NDST1: variants seen among roughly 807,000 people sequenced by gnomAD.
The protein encoded by NDST1 is N-deacetylase and N-sulfotransferase 1, also known as bifunctional heparan sulfate N-deacetylase/N-sulfotransferase 1.
In NDST1, 35 loss-of-function variants were observed where a neutral mutation model predicts 92.8. The observed-to-expected ratio is 0.38, with a 90% confidence interval of 0.29 to 0.50. NDST1 has a LOEUF of 0.50. Ranked by LOEUF, NDST1 falls within the 20% of genes least tolerant of loss-of-function variation. The probability of loss-of-function intolerance (pLI) is 0.94; values close to 1 mark genes in which losing one functional copy is unlikely to be tolerated. For missense variants in NDST1, 822 were observed against 1,182.7 expected (o/e 0.69, Z 4.47); for synonymous variants, 493 against 500.3 (o/e 0.99, Z 0.19).
rs1294924370 is a variant in NDST1 at position 150,553,178 on chromosome 5, A to G, written c.2530-35A>G. The G allele has an allele frequency of 5.0e-6, 8 of 1,606,776 alleles. No homozygotes were observed. The Admixed American group carries it at 1.0e-4, about 20-fold the overall frequency. On this transcript the variant is annotated intron_variant, in intron 14 of 14. Transcript: ENST00000261797. The surrounding 1 kb of genome is among the most constrained non-coding windows in gnomAD (Gnocchi z 4.2). ...TTTTAGAGGAGGTCACTCTTAAGTCAGTACACAAGGTCTGAGCTTTCCTTC... is the reference window on the plus strand; with the variant it reads ...TTTTAGAGGAGGTCACTCTTAAGTCGGTACACAAGGTCTGAGCTTTCCTTC...
At chr5:150,547,844 C>T (rs1444858304) in intron 11 of NDST1, among the ~76,000 whole-genome samples, 4 of 152,156 alleles carry the variant, frequency 2.6e-5, no homozygotes, top group Non-Finnish European at 5.9e-5. Context: ...CACCACCATG[C>T]CAGCTAATTT....
rs1474998816 is a variant in NDST1 at position 150,519,482 on chromosome 5, C to T, written c.-387-1386C>T. On this transcript the variant is annotated intron_variant, in intron 1 of 14. Coordinates refer to ENST00000261797, the MANE Select transcript of NDST1 (RefSeq NM_001543.5). ...CAGCACTTTGGGAGGCCAAGGCCGG[C>T]GAATCACCTGAGGTCAGGAGTTCAA... is the stretch of plus-strand genomic sequence containing the variant. Among the ~76,000 whole-genome samples the T allele has an allele frequency of 7.9e-5, 12 of 152,202 alleles. No homozygotes were observed. The East Asian group carries it at 9.7e-4, about 12-fold the overall frequency.
At chr5:150,544,653 T>C (rs1254445244) in intron 10 of NDST1, among the ~76,000 whole-genome samples, 3 of 152,192 alleles carry the variant, frequency 2.0e-5, no homozygotes, top group Non-Finnish European at 4.4e-5. Context: ...TGAGTTTGCA[T>C]AGGTAGATTC....
intron 3 of NDST1, among the ~76,000 whole-genome samples, chr5:150,530,144 G>C (rs1754655481): frequency 6.6e-6 from 1 of 152,198 alleles, no homozygotes; most frequent in South Asian, 2.1e-4. Flanking sequence ...TGGATAGCTG[G>C]GGTGGGGGTT....
upstream of NDST1, among the ~76,000 whole-genome samples, chr5:150,504,034 G>A (rs907380713): frequency 2.0e-5 from 3 of 152,194 alleles, no homozygotes; most frequent in African/African-American, 7.2e-5. Context: ...TCCAGGCTGG[G>A]TGGTGCTTGC....
chr5:150,525,979 C>A (rs988835639), intron 2 of NDST1, among the ~76,000 whole-genome samples: 5 of 152,208 alleles, frequency 3.3e-5, no homozygotes, highest in African/African-American at 4.8e-5. Flanking sequence ...TCCTCCAGCA[C>A]CCTGCAGGCC....
At chr5:150,531,435 A>G (rs1754726599) in intron 3 of NDST1, among the ~76,000 whole-genome samples, 1 of 151,842 alleles carries the variant, frequency 6.6e-6, no homozygotes, top group African/African-American at 2.4e-5. Context: ...GGGGAGGGCC[A>G]GGACTTTTAG....
chr5:150,535,427 G>A (rs1485002056), intron 5 of NDST1: 11 of 977,438 alleles, frequency 1.1e-5, no homozygotes, highest in Non-Finnish European at 1.3e-5. Context: ...CCTCACTACA[G>A]GGTACTTGAG....
rs200650673 is a variant in NDST1 at position 150,545,309 on chromosome 5, C to T, written c.1971-3C>T. On this transcript the variant is annotated splice_polypyrimidine_tract_variant and splice_region_variant and intron_variant, in intron 10 of 14. Coordinates refer to ENST00000261797, the MANE Select transcript of NDST1 (RefSeq NM_001543.5). ...GTGAGCCGCCTCTCTGGGCTTCCTG[C>T]AGGTACATGGAGTTCTTCCCCATCC... is the stretch of plus-strand genomic sequence containing the variant. 6 of 1,614,196 alleles carry T rather than the reference C, an allele frequency of 3.7e-6. No individual in the cohort carries two copies. The African/African-American group carries it at 8.0e-5, about 22-fold the overall frequency.
intron 11 of NDST1, among the ~76,000 whole-genome samples, chr5:150,547,190 C>T (rs1755525725): frequency 1.3e-5 from 2 of 152,220 alleles, no homozygotes; most frequent in Non-Finnish European, 2.9e-5. Flanking sequence ...TCTTCTAAAT[C>T]TAAGACCCTA....
intron 7 of NDST1, 142 bp from the exon 8 acceptor site, chr5:150,539,940 G>T: frequency 7.9e-7 from 1 of 1,259,226 alleles, no homozygotes; most frequent in Admixed American, 2.0e-5. Flanking sequence ...CTCGCAGCGA[G>T]TTTGTTGACA....
rs1436060091 is a variant in NDST1, at chr5:150,555,906, T to A, written c.*2574T>A. The A allele has an allele frequency of 6.6e-6, 1 of 152,296 alleles. No homozygotes were observed. Among genetic ancestry groups the A allele is most frequent in the African/African-American group, 2.4e-5 (1 of 41,424 alleles). The allele number at this position is 152,296 out of a possible 1,614,324, so 9.4% of individuals were successfully genotyped here. On this transcript the variant is annotated 3_prime_UTR_variant, in exon 15 of 15. Transcript: ENST00000261797. ...GACTGGACCTGCCACATGTTCCAAG[T>A]CTGTCTGCCTAGGTCACTGCTGCCA...
At chr5:150,504,017 G>A (rs77461421), upstream of NDST1, among the ~76,000 whole-genome samples, 2,521 of 152,282 alleles carry the variant, frequency 0.017, 39 homozygotes, top group Admixed American at 0.03. Context: ...TCGGTTTCTG[G>A]TCTGCATCCA....
Position 150,554,065 on chromosome 5 carries a change from T to C in NDST1, c.*733T>C. On this transcript the variant is annotated 3_prime_UTR_variant, in exon 15 of 15. Transcript: ENST00000261797. ...CTGGGATATGATGTGTGGTGTTTCC[T>C]GTGGTAAAAGACTGAGGCAGGCCAG... The C allele has an allele frequency of 2.5e-6, 1 of 403,858 alleles. No individual in the cohort carries two copies. The highest frequency in any genetic ancestry group is 4.1e-5 in the Admixed American group (1 of 24,238). 25.0% of individuals were successfully genotyped at this position (403,858 alleles called of 1,614,324 possible). A position where few individuals can be genotyped will look rare whatever the true frequency, so the allele number is the denominator to read the frequency against.
rs1034996876 is a variant in NDST1 at position 150,512,398 on chromosome 5, T to C, written c.-388+4172T>C. Among the ~76,000 whole-genome samples the C allele has an allele frequency of 2.6e-5, 4 of 152,184 alleles. No homozygotes were observed. In the South Asian group the frequency reaches 6.2e-4, roughly 24 times the overall value. On this transcript the variant is annotated intron_variant, in intron 1 of 14. Transcript: ENST00000261797. The stretch of plus-strand genomic sequence containing the variant: ...CATGTCGTACCAGAGACATAAAACC[T>C]TGGGTTCCAGAGACCTCTAGAAACC...
intron 1 of NDST1, among the ~76,000 whole-genome samples, chr5:150,513,545 G>A (rs140284128): frequency 5.6e-4 from 86 of 152,344 alleles, no homozygotes; most frequent in Non-Finnish European, 1.1e-3. Flanking sequence ...TGTTATGCTA[G>A]CTGTCACCAC....
intron 1 of NDST1, among the ~76,000 whole-genome samples, chr5:150,517,137 A>AT (rs1222056047): frequency 6.6e-6 from 1 of 151,872 alleles, no homozygotes; most frequent in African/African-American, 2.4e-5. Flanking sequence ...CATTATCAAC[A>AT]TCCCCCACCA....
In NDST1 at chr5:150,527,950, C is replaced by T. The variant is rs1754546356; in HGVS notation, c.660C>T (p.Leu220=). ...TRPSEVEKGV[L]PGEDWTVFQS... ...CTAGCGAGGTGGAGAAAGGTGTGCT[C>T]CCCGGCGAGGACTGGACGGTTTTCC... Residue 220 remains leucine (L), a synonymous_variant, in exon 3 of 15, where the codon CTC becomes CTT. Coordinates refer to ENST00000261797, the MANE Select transcript of NDST1 (RefSeq NM_001543.5). 3.1e-6 allele frequency: 5 copies of T among 1,613,928 alleles called. No individual in the cohort carries two copies. The highest frequency in any genetic ancestry group is 2.2e-5 in the East Asian group (1 of 44,900).
intron 10 of NDST1, 37 bp downstream of exon 10, chr5:150,543,008 GC>G (rs1215151058): frequency 1.2e-6 from 2 of 1,612,788 alleles, no homozygotes; most frequent in Non-Finnish European, 8.5e-7. Context: ...GGACGGGAAG[GC>G]CATCCTGGGG....
Sources: allele counts gnomAD v4.1 joint callset (sites outside exome capture counted in the v4.1 genomes callset), GRCh38; gene constraint gnomAD v4.1.1; non-coding constraint Gnocchi (gnomAD v3.1); transcripts MANE v1.5; gene names NCBI Gene and HGNC (gene_info 2026-07-23, HGNC 2026-07-21).